The following MAPKAP1 variants were observed in gnomAD, a reference collection of about 807,000 sequenced individuals.
The protein encoded by MAPKAP1 is target of rapamycin complex 2 subunit MAPKAP1.
MAPKAP1 carries 20 observed loss-of-function variants against 65.7 expected under a neutral mutation model. That is an observed-to-expected ratio of 0.30 (90% CI 0.21 to 0.44). The LOEUF (loss-of-function observed/expected upper bound fraction) is 0.44. MAPKAP1 is among the 20% of genes least tolerant of loss of function. The pLI, the probability that MAPKAP1 is intolerant of heterozygous loss-of-function variation, is 1.00. For synonymous variants in MAPKAP1, 222 were observed against 244.3 expected (o/e 0.91, Z 0.85); for missense variants, 423 against 648.0 (o/e 0.65, Z 3.77).
At chr9:125,490,411 C>T (rs898528760) in intron 8 of MAPKAP1, among the ~76,000 whole-genome samples, 3 of 151,986 alleles carry the variant, frequency 2.0e-5, no homozygotes, top group African/African-American at 4.8e-5. Flanking sequence ...TGGTGGCATA[C>T]GCCTGTAATC....
intron 4 of MAPKAP1, among the ~76,000 whole-genome samples, chr9:125,637,501 G>A (rs564370343): frequency 6.6e-6 from 1 of 152,162 alleles, no homozygotes; most frequent in Non-Finnish European, 1.5e-5. Context: ...GTGAGGCCAC[G>A]CTGGGACTCA....
At chr9:125,619,698 A>G (rs964774685) in intron 4 of MAPKAP1, among the ~76,000 whole-genome samples, 1 of 152,124 alleles carries the variant, frequency 6.6e-6, no homozygotes, top group Non-Finnish European at 1.5e-5. Flanking sequence ...CTAGGAAGAA[A>G]ATGTAAAACT....
At chr9:125,512,459 A>G (rs1397279218) in intron 7 of MAPKAP1, among the ~76,000 whole-genome samples, 3 of 152,192 alleles carry the variant, frequency 2.0e-5, no homozygotes, top group South Asian at 4.1e-4. Flanking sequence ...TGTTCGTGTG[A>G]CTATGATGAC....
chr9:125,533,120 C>T (rs1050914309), intron 7 of MAPKAP1, among the ~76,000 whole-genome samples: 2 of 152,088 alleles, frequency 1.3e-5, no homozygotes, highest in Non-Finnish European at 2.9e-5. Context: ...CCTGCTTTGG[C>T]AGGAAGTGAG....
chr9:125,554,071 C>A (rs1254175875), intron 6 of MAPKAP1, among the ~76,000 whole-genome samples: 4 of 151,950 alleles, frequency 2.6e-5, no homozygotes, highest in Admixed American at 6.6e-5. Context: ...GATAACGTGG[C>A]GAGATTTGGG....
At chr9:125,571,906 G>A (rs1831245460) in intron 5 of MAPKAP1, among the ~76,000 whole-genome samples, 1 of 152,112 alleles carries the variant, frequency 6.6e-6, no homozygotes, top group African/African-American at 2.4e-5. Context: ...CTGATCCTTT[G>A]TTTTTCAGAG....
intron 6 of MAPKAP1, among the ~76,000 whole-genome samples, chr9:125,545,273 G>A (rs1830390841): frequency 6.6e-6 from 1 of 152,242 alleles, no homozygotes; most frequent in Admixed American, 6.5e-5. Flanking sequence ...GATGCAGTAA[G>A]TGATACTTTG....
rs563037425 is a variant in MAPKAP1, at chr9:125,678,247, T to A, written c.-69-5604A>T. Among the ~76,000 whole-genome samples, 110 of 147,734 alleles carry A rather than the reference T, an allele frequency of 7.4e-4. 3 individuals carry two copies. The South Asian group carries it at 0.018, about 24-fold the overall frequency. On this transcript the variant is annotated intron_variant, in intron 1 of 11. Coordinates refer to ENST00000265960, the MANE Select transcript of MAPKAP1 (RefSeq NM_001006617.3). ...CAGGCATTTTTATTTTATTTTATTT[T>A]TATTTATTTTTTTTTGAGACAGAGT...
chr9:125,462,793 T>G (rs191345207), intron 10 of MAPKAP1, among the ~76,000 whole-genome samples: 92 of 152,352 alleles, frequency 6.0e-4, no homozygotes, highest in African/African-American at 2.1e-3. Flanking sequence ...TCAAATACCC[T>G]TAGTTTAACT....
intron 5 of MAPKAP1, among the ~76,000 whole-genome samples, chr9:125,582,021 T>C (rs2131571841): frequency 6.6e-6 from 1 of 152,158 alleles, no homozygotes; most frequent in South Asian, 2.1e-4. Context: ...TTCCTTCATG[T>C]CTCTTCTCTT....
At chr9:125,541,908 C>T (rs889329564) in intron 7 of MAPKAP1, among the ~76,000 whole-genome samples, 9 of 152,194 alleles carry the variant, frequency 5.9e-5, no homozygotes, top group African/African-American at 9.7e-5. Flanking sequence ...GGTTATCAAA[C>T]GGCGCAGTCA....
intron 7 of MAPKAP1, among the ~76,000 whole-genome samples, chr9:125,514,432 T>C (rs1829401141): frequency 6.6e-6 from 1 of 152,214 alleles, no homozygotes; most frequent in South Asian, 2.1e-4. Flanking sequence ...GATGGATGTT[T>C]GGATGGTAGT....
intron 4 of MAPKAP1, 71 bp downstream of exon 4, chr9:125,657,580 A>G: frequency 2.2e-6 from 3 of 1,352,926 alleles, no homozygotes; most frequent in Non-Finnish European, 3.1e-6. Context: ...CCTAAATCTA[A>G]TAATAATACC....
At chr9:125,471,811 G>A (rs10986771) in intron 9 of MAPKAP1, 3,024 of 152,388 alleles carry the variant, frequency 0.02, 161 homozygotes, top group East Asian at 0.13. Context: ...CGGCAGGCTC[G>A]GGCACCAGCG....
intron 1 of MAPKAP1, among the ~76,000 whole-genome samples, chr9:125,690,308 A>C (rs1212281808): frequency 6.6e-6 from 1 of 152,194 alleles, no homozygotes; most frequent in Non-Finnish European, 1.5e-5. Context: ...AAATGCTTAA[A>C]ACAAAAACAT....
chr9:125,588,848 CTACCTCTT>C (rs1831868226), intron 4 of MAPKAP1, among the ~76,000 whole-genome samples: 1 of 152,210 alleles, frequency 6.6e-6, no homozygotes, highest in African/African-American at 2.4e-5. Context: ...CTGGCCCTGT[CTACCTCTT>C]TAACATCATC....
In MAPKAP1 at chr9:125,438,843, G is replaced by C; in HGVS notation, c.*44C>G. On this transcript the variant is annotated 3_prime_UTR_variant, in exon 12 of 12. Transcript: ENST00000265960. ...GACTCTAGGGCACTTGGCCCTGGCA[G>C]GCAGGCTCTGAGCTACGGAACAGAT... The C allele has an allele frequency of 6.2e-7, 1 of 1,612,884 alleles. No homozygotes were observed. The highest frequency in any genetic ancestry group is 1.1e-5 in the South Asian group (1 of 90,914).
intron 1 of MAPKAP1, among the ~76,000 whole-genome samples, chr9:125,698,207 ATATG>A (rs1835444259): frequency 6.9e-6 from 1 of 145,674 alleles, no homozygotes; most frequent in Admixed American, 7.0e-5. Flanking sequence ...ATGTGTATAT[ATATG>A]TGTGTGTATA....
At chr9:125,497,512 C>A (rs1828842594) in intron 8 of MAPKAP1, among the ~76,000 whole-genome samples, 1 of 152,208 alleles carries the variant, frequency 6.6e-6, no homozygotes, top group East Asian at 1.9e-4. Flanking sequence ...GTTTCCTCTT[C>A]TATAAAACAA....
Sources: allele counts gnomAD v4.1 joint callset (sites outside exome capture counted in the v4.1 genomes callset), GRCh38; gene constraint gnomAD v4.1.1; transcripts MANE v1.5; gene names NCBI Gene and HGNC (gene_info 2026-07-23, HGNC 2026-07-21).